SHROOM3: variants seen among roughly 807,000 people sequenced by gnomAD.
SHROOM3 encodes protein Shroom3.
SHROOM3 carries 47 observed loss-of-function variants against 138.6 expected under a neutral mutation model. The observed-to-expected ratio is 0.34, with a 90% CI of 0.27 to 0.43. The LOEUF is 0.43. Among genes scored for constraint, SHROOM3 ranks in the 20% least tolerant of loss-of-function variants. SHROOM3 has a pLI of 1.00. For missense variants in SHROOM3, 2,491 were observed against 2,596.5 expected, an observed-to-expected ratio of 0.96 and a Z score of 0.88; for synonymous variants, 1,062 against 1,063.3, an observed-to-expected ratio of 1.00 and a Z score of 0.02.
intron 8 of SHROOM3, among the ~76,000 whole-genome samples, chr4:76,757,360 A>G (rs2110146063): frequency 6.6e-6 from 1 of 152,324 alleles, no homozygotes; most frequent in Non-Finnish European, 1.5e-5. Context: ...ATTTGATCAC[A>G]GCCCCATGAC....
intron 1 of SHROOM3, among the ~76,000 whole-genome samples, chr4:76,445,996 C>T (rs746302937): frequency 1.3e-5 from 2 of 152,116 alleles, no homozygotes; most frequent in Non-Finnish European, 2.9e-5. Flanking sequence ...TTTCCCCCTC[C>T]ACCCCATAAC....
chr4:76,566,546 C>G (rs1161321569), intron 2 of SHROOM3, among the ~76,000 whole-genome samples: 1 of 152,194 alleles, frequency 6.6e-6, no homozygotes, highest in Non-Finnish European at 1.5e-5. Flanking sequence ...CTCCACATAT[C>G]CTTAATGGAA....
chr4:76,616,755 T>TGATGG (rs1050412901), intron 2 of SHROOM3, among the ~76,000 whole-genome samples: 166 of 152,276 alleles, frequency 1.1e-3, no homozygotes, highest in African/African-American at 3.9e-3. Flanking sequence ...TGGATAGTGG[T>TGATGG]GATGGGATGC....
chr4:76,441,748 G>A (rs139705772), intron 1 of SHROOM3, among the ~76,000 whole-genome samples: 11 of 152,022 alleles, frequency 7.2e-5, no homozygotes, highest in African/African-American at 2.7e-4. Flanking sequence ...TTGAGATAGA[G>A]TTTCGCTCTT....
At chr4:76,721,186 C>T (rs1256708086) in intron 3 of SHROOM3, among the ~76,000 whole-genome samples, 2 of 150,750 alleles carry the variant, frequency 1.3e-5, no homozygotes, top group African/African-American at 4.8e-5. Flanking sequence ...TGGCGGGCGC[C>T]TGTAGTCCCA....
At chr4:76,663,308 T>C (rs1277631735) in intron 2 of SHROOM3, among the ~76,000 whole-genome samples, 1 of 152,206 alleles carries the variant, frequency 6.6e-6, no homozygotes, top group East Asian at 1.9e-4. Flanking sequence ...GGTTGTGTGT[T>C]TGAAATCTCA....
At chr4:76,590,553 A>G (rs1164691829) in intron 2 of SHROOM3, among the ~76,000 whole-genome samples, 2 of 151,748 alleles carry the variant, frequency 1.3e-5, no homozygotes, top group Non-Finnish European at 2.9e-5. Flanking sequence ...ACAAAACCAA[A>G]AAACTGCTCC....
rs114098133 is a variant in SHROOM3 at position 76,546,625 on chromosome 4, C to T, written c.169-8984C>T. Among the ~76,000 whole-genome samples the T allele has an allele frequency of 1.0e-3, 153 of 152,316 alleles. 1 individual carries two copies. Among genetic ancestry groups the T allele is most frequent in the African/African-American group, 3.2e-3 (135 of 41,572 alleles). ...CAGACAATAGAAAATAATGCCCAAA[C>T]GGCTTTGTTTGAGAGATTCTTGACG... On this transcript the variant is annotated intron_variant, in intron 1 of 10. Transcript: ENST00000296043.
chr4:76,689,373 C>A (rs1304868423), intron 2 of SHROOM3, among the ~76,000 whole-genome samples: 1 of 143,360 alleles, frequency 7.0e-6, no homozygotes, highest in Non-Finnish European at 1.6e-5. Context: ...GAGCCAGCGC[C>A]GAGCCAGCGC....
chr4:76,730,038 A>C (rs1334409348), intron 3 of SHROOM3, among the ~76,000 whole-genome samples: 4 of 152,154 alleles, frequency 2.6e-5, no homozygotes, highest in Non-Finnish European at 1.5e-5. Context: ...TTTGCCAAAA[A>C]TAAGGCACAG....
intron 2 of SHROOM3, among the ~76,000 whole-genome samples, chr4:76,616,742 G>A (rs1734890075): frequency 6.6e-6 from 1 of 152,152 alleles, no homozygotes; most frequent in Non-Finnish European, 1.5e-5. Context: ...AGCATCCTGT[G>A]GATGGATAGT....
intron 5 of SHROOM3, among the ~76,000 whole-genome samples, chr4:76,742,631 A>C (rs1721300066): frequency 6.6e-6 from 1 of 152,240 alleles, no homozygotes; most frequent in Non-Finnish European, 1.5e-5. Context: ...AGGATTATAA[A>C]GTACTTTCCC....
At chr4:76,755,767 C>T (rs1318351847) in intron 7 of SHROOM3, among the ~76,000 whole-genome samples, 2 of 152,164 alleles carry the variant, frequency 1.3e-5, no homozygotes, top group South Asian at 4.1e-4. Context: ...AAAATCACTC[C>T]ATGTCCATAG....
intron 1 of SHROOM3, among the ~76,000 whole-genome samples, chr4:76,548,681 T>C (rs895400400): frequency 6.6e-6 from 1 of 152,202 alleles, no homozygotes; most frequent in African/African-American, 2.4e-5. Flanking sequence ...TACAGTGACA[T>C]AAAAGGCTGT....
intron 2 of SHROOM3, among the ~76,000 whole-genome samples, chr4:76,594,741 C>T (rs912547287): frequency 6.6e-6 from 1 of 152,178 alleles, no homozygotes; most frequent in Non-Finnish European, 1.5e-5. Context: ...CCATGAATTC[C>T]ACTAAATCAG....
intron 6 of SHROOM3, among the ~76,000 whole-genome samples, chr4:76,752,828 T>G (rs1721675552): frequency 6.6e-6 from 1 of 152,214 alleles, no homozygotes; most frequent in Admixed American, 6.5e-5. Flanking sequence ...TATATTATTG[T>G]ATGTTTTAGT....
intron 1 of SHROOM3, among the ~76,000 whole-genome samples, chr4:76,451,462 A>C (rs1230227479): frequency 1.3e-5 from 2 of 152,206 alleles, no homozygotes; most frequent in East Asian, 3.8e-4. Flanking sequence ...TTTTAAAACC[A>C]GTCATTGGTG....
rs756329899 is a variant in SHROOM3 at position 76,740,419 on chromosome 4, C to G, written c.2246C>G (p.Ser749Trp). The change falls in exon 5 of 11, where the codon TCG (serine) becomes TGG (tryptophan). Residue 749 changes from serine to tryptophan, a missense_variant. Around this residue, in one of 4 missense-constraint regions of SHROOM3, gnomAD observed 1,733 missense variants for 1,661.6 expected, o/e 1.04. Coordinates refer to ENST00000296043, the MANE Select transcript of SHROOM3 (RefSeq NM_020859.4). This position sits in a 1 kb window ranked among gnomAD's most constrained non-coding sequence, Gnocchi z 4.0. ...AGTCCCGAAGAGCCGCCTGCCCCCT[C>G]GCACCCGCACACATCCAGTCTGGGC... The part of the protein sequence containing the change: ...DPSPEEPPAP[S>W]HPHTSSLGRR... 6.2e-6 allele frequency: 10 copies of G among 1,612,864 alleles called. No homozygotes were observed. In the African/African-American group the frequency reaches 1.2e-4, roughly 19 times the overall value.
rs1721256929 is a variant in SHROOM3 at position 76,741,552 on chromosome 4, G to GCGC, written c.3380_3382dup (p.Ala1127_Leu1128insPro). The GCGC allele has an allele frequency of 6.5e-7, 1 of 1,546,564 alleles. No homozygotes were observed. Among genetic ancestry groups the GCGC allele is most frequent in the Non-Finnish European group, 8.7e-7 (1 of 1,152,624 alleles). ...TGCCTACCTCCAGCCCGGCCCCGCG[G>GCGC]CGCTCGAAGGCTCCGGCCTCGCCTC... On this transcript the variant is annotated inframe_insertion, in exon 5 of 11. Transcript: ENST00000296043. This position sits in a 1 kb window ranked among gnomAD's most constrained non-coding sequence, Gnocchi z 6.2.
Sources: gnomAD v4.1 joint callset for allele counts (sites outside exome capture counted in the v4.1 genomes callset) on GRCh38, gnomAD v4.1.1 for gene constraint, gnomAD v4.1.1 regional missense constraint, Gnocchi (gnomAD v3.1) non-coding constraint, MANE v1.5 for transcripts, NCBI Gene and HGNC (gene_info 2026-07-23, HGNC 2026-07-21) for gene names.